The following SLC25A48 variants were observed in gnomAD, a reference collection of about 807,000 sequenced individuals.
The protein encoded by SLC25A48 is CTC-321K16.1.
SLC25A48 carries 29 observed loss-of-function variants against 32.2 expected under a neutral mutation model. The observed-to-expected ratio is 0.90, with a 90% CI of 0.67 to 1.23. The LOEUF (loss-of-function observed/expected upper bound fraction) is 1.23. Among genes scored for constraint, SLC25A48 ranks in the 50% most tolerant of loss-of-function variants. The pLI is 0.00. For missense variants in SLC25A48, 399 were observed against 422.7 expected (o/e 0.94, Z 0.49); for synonymous variants, 164 against 172.3 (o/e 0.95, Z 0.38).
chr5:135,646,390 G>T (rs1036987134), intron 3 of SLC25A48, among the ~76,000 whole-genome samples: 1 of 151,926 alleles, frequency 6.6e-6, no homozygotes, highest in Non-Finnish European at 1.5e-5. Context: ...CCATACCTGA[G>T]GTTGTATAGG....
At chr5:135,874,569 C>T (rs1761907099) in intron 6 of SLC25A48, 1 of 601,350 alleles carries the variant, frequency 1.7e-6, no homozygotes, top group Non-Finnish European at 3.0e-6. Context: ...CCTTCCTGTC[C>T]TCAGTCAGCT....
chr5:135,705,951 G>T (rs1478296054), intron 3 of SLC25A48, among the ~76,000 whole-genome samples: 1 of 152,190 alleles, frequency 6.6e-6, no homozygotes, highest in Non-Finnish European at 1.5e-5. Context: ...AGGCTGGTTT[G>T]TACAGCAGAC....
At chr5:135,747,958 G>C (rs1415374361) in intron 3 of SLC25A48, among the ~76,000 whole-genome samples, 1 of 152,136 alleles carries the variant, frequency 6.6e-6, no homozygotes, top group African/African-American at 2.4e-5. Context: ...TGGTCTGTCC[G>C]GCTGCAGAGC....
intron 7 of SLC25A48, among the ~76,000 whole-genome samples, chr5:135,885,150 C>T (rs1412556746): frequency 1.3e-5 from 2 of 152,128 alleles, no homozygotes; most frequent in Non-Finnish European, 1.5e-5. Flanking sequence ...ATAAGTATGG[C>T]GTCTGAAACT....
chr5:135,821,269 G>A (rs1757878562), intron 4 of SLC25A48, among the ~76,000 whole-genome samples: 2 of 152,188 alleles, frequency 1.3e-5, no homozygotes, highest in South Asian at 2.1e-4. Context: ...CAAAGCAGAT[G>A]TCCTACATCA....
chr5:135,756,197 T>C (rs1289867944), intron 3 of SLC25A48, among the ~76,000 whole-genome samples: 3 of 152,116 alleles, frequency 2.0e-5, no homozygotes, highest in African/African-American at 7.2e-5. Context: ...ATTTATAATA[T>C]CTAGTGTTAA....
At chr5:135,803,339 T>C (rs1746696122) in intron 3 of SLC25A48, among the ~76,000 whole-genome samples, 1 of 151,590 alleles carries the variant, frequency 6.6e-6, no homozygotes, top group South Asian at 2.1e-4. Context: ...TCCAGGGATA[T>C]ATTAATCCTA....
At position 135,880,087 on chromosome 5, in the gene SLC25A48, A is replaced by G. The variant is rs2126834294; in HGVS notation, c.933A>G (p.Pro311=). Residue 311 remains proline, a synonymous_variant, in exon 7 of 8, where the codon CCA becomes CCG. Transcript: ENST00000681962. ...GCGGGGACCACGCAGTGACGAGCCC[A>G]TAAGCGCCAGGTCAGTGTGCTTCCA... is the stretch of plus-strand genomic sequence containing the variant. ...AIRGDHAVTS[P] 1.3e-6 allele frequency: 2 copies of G among 1,535,872 alleles called. No homozygotes were observed. The highest frequency in any genetic ancestry group is 1.2e-5 in the South Asian group (1 of 84,050).
chr5:135,686,216 G>A (rs185976410), intron 3 of SLC25A48, among the ~76,000 whole-genome samples: 1 of 152,300 alleles, frequency 6.6e-6, no homozygotes, highest in Admixed American at 6.5e-5. Flanking sequence ...AAATTAGCAG[G>A]TGTTTCTGTG....
At chr5:135,624,044 G>T (rs1752386291) in intron 1 of SLC25A48, among the ~76,000 whole-genome samples, 1 of 152,174 alleles carries the variant, frequency 6.6e-6, no homozygotes, top group East Asian at 1.9e-4. Flanking sequence ...GGAAATCACG[G>T]GTGGGAGCGG....
At chr5:135,881,146 A>G (rs1202449066) in intron 7 of SLC25A48, among the ~76,000 whole-genome samples, 1 of 152,102 alleles carries the variant, frequency 6.6e-6, no homozygotes, top group African/African-American at 2.4e-5. Flanking sequence ...TTTCTTCCTC[A>G]TTGTCTGGCC....
chr5:135,694,129 G>A (rs1754212322), intron 3 of SLC25A48, among the ~76,000 whole-genome samples: 1 of 152,216 alleles, frequency 6.6e-6, no homozygotes, highest in Non-Finnish European at 1.5e-5. Context: ...CGGTGGGCAG[G>A]AATGAATGGC....
intron 3 of SLC25A48, among the ~76,000 whole-genome samples, chr5:135,767,987 T>G (rs1756290812): frequency 6.8e-6 from 1 of 146,060 alleles, no homozygotes; most frequent in South Asian, 2.2e-4. Flanking sequence ...TTACTCCCAA[T>G]ATCACAGCGG....
chr5:135,879,926 G>C (rs1360140955), intron 6 of SLC25A48, 42 bp from the exon 7 acceptor site: 2 of 1,533,966 alleles, frequency 1.3e-6, no homozygotes, highest in African/African-American at 1.4e-5. Context: ...CCTGCAGAGA[G>C]TGTGGGTCAG....
At chr5:135,657,872 T>TG (rs1422101851) in intron 3 of SLC25A48, among the ~76,000 whole-genome samples, 7 of 152,180 alleles carry the variant, frequency 4.6e-5, no homozygotes, top group African/African-American at 1.7e-4. Context: ...GTAATTTAGA[T>TG]GGAGAACTCA....
chr5:135,752,358 G>A (rs1936378923), intron 3 of SLC25A48, among the ~76,000 whole-genome samples: 1 of 152,180 alleles, frequency 6.6e-6, no homozygotes, highest in Non-Finnish European at 1.5e-5. Flanking sequence ...ATCACCTGAG[G>A]CCAGGAGTTC....
chr5:135,837,355 C>T (rs1022101348), intron 1 of SLC25A48, among the ~76,000 whole-genome samples: 1 of 152,102 alleles, frequency 6.6e-6, no homozygotes, highest in Non-Finnish European at 1.5e-5. Flanking sequence ...TTCTTTGTCC[C>T]TATAAATATC....
chr5:135,667,728 C>T (rs1753557122), intron 3 of SLC25A48, among the ~76,000 whole-genome samples: 1 of 152,132 alleles, frequency 6.6e-6, no homozygotes, highest in Admixed American at 6.5e-5. Context: ...CAGTTGGTGC[C>T]AAATAAATAC....
At chr5:135,793,202 G>A (rs1757080554) in intron 3 of SLC25A48, among the ~76,000 whole-genome samples, 1 of 151,464 alleles carries the variant, frequency 6.6e-6, no homozygotes, top group Non-Finnish European at 1.5e-5. Context: ...TACACCATGT[G>A]TGTACACCCT....
Sources: gnomAD v4.1 joint callset for allele counts (sites outside exome capture counted in the v4.1 genomes callset) on GRCh38, gnomAD v4.1.1 for gene constraint, MANE v1.5 for transcripts, NCBI Gene and HGNC (gene_info 2026-07-23, HGNC 2026-07-21) for gene names.